SEMA3E: variants seen among roughly 807,000 people sequenced by gnomAD.
The protein encoded by SEMA3E is semaphorin-3E.
Under a neutral mutation model 93.6 loss-of-function variants are expected in SEMA3E, and 49 were observed. That is an observed-to-expected ratio of 0.52 (90% CI 0.42 to 0.66). The LOEUF (loss-of-function observed/expected upper bound fraction) is 0.66, where lower values mean the gene tolerates loss of function less well. Ranked by LOEUF, SEMA3E falls within the 30% of genes least tolerant of loss-of-function variation. The pLI, the probability that SEMA3E is intolerant of heterozygous loss-of-function variation, is 0.00. For synonymous variants in SEMA3E, 363 were observed against 330.7 expected (o/e 1.10, Z -1.06); for missense variants, 906 against 964.8 (o/e 0.94, Z 0.81).
intron 1 of SEMA3E, among the ~76,000 whole-genome samples, chr7:83,493,509 T>C (rs555860135): frequency 3.3e-5 from 5 of 152,048 alleles, no homozygotes; most frequent in African/African-American, 9.6e-5. Context: ...ATTTTATTTA[T>C]GAAGATACTT....
chr7:83,452,146 T>C (rs952838700), intron 4 of SEMA3E, among the ~76,000 whole-genome samples: 1 of 151,902 alleles, frequency 6.6e-6, no homozygotes, highest in African/African-American at 2.4e-5. Context: ...TGTGTGTGTG[T>C]GTCTGTGTGT....
At chr7:83,616,848 C>T in intron 1 of SEMA3E, 1 of 345,928 alleles carries the variant, frequency 2.9e-6, no homozygotes. Context: ...CCTCAGCCTC[C>T]TGAGTAGCTG....
chr7:83,378,093 C>A (rs1201531636), intron 16 of SEMA3E, among the ~76,000 whole-genome samples: 1 of 151,766 alleles, frequency 6.6e-6, no homozygotes, highest in East Asian at 1.9e-4. Context: ...ATGATTTATA[C>A]ACCCTTCATA....
At chr7:83,606,914 A>T (rs530833197) in intron 1 of SEMA3E, among the ~76,000 whole-genome samples, 1 of 152,196 alleles carries the variant, frequency 6.6e-6, no homozygotes, top group Non-Finnish European at 1.5e-5. Flanking sequence ...TCTGATGTTA[A>T]AGCTAAAAAT....
intron 1 of SEMA3E, among the ~76,000 whole-genome samples, chr7:83,584,246 TA>T: frequency 6.6e-6 from 1 of 152,216 alleles, no homozygotes; most frequent in Non-Finnish European, 1.5e-5. Flanking sequence ...ATTTTACAAA[TA>T]GGGGGAGTGA....
In SEMA3E at chr7:83,393,655, T is replaced by C. The variant is rs1429589618; in HGVS notation, c.1500+642A>G. Among the ~76,000 whole-genome samples, 4 of 152,154 alleles carry C rather than the reference T, an allele frequency of 2.6e-5. No homozygotes were observed. In the East Asian group the frequency reaches 7.7e-4, roughly 29 times the overall value. Reference sequence around the variant, plus strand: ...TCTATCTATCTATCTACAGAACAAGTGGCTGAACATTTAATATAATATCTT... The same window carrying C: ...TCTATCTATCTATCTACAGAACAAGCGGCTGAACATTTAATATAATATCTT... On this transcript the variant is annotated intron_variant, in intron 13 of 16. Transcript: ENST00000643230.
intron 1 of SEMA3E, among the ~76,000 whole-genome samples, chr7:83,499,749 A>T (rs1487886156): frequency 2.0e-5 from 3 of 152,144 alleles, no homozygotes; most frequent in Non-Finnish European, 4.4e-5. Flanking sequence ...CATAAACTTA[A>T]TTCTTGATTA....
intron 1 of SEMA3E, among the ~76,000 whole-genome samples, chr7:83,522,281 T>C (rs1302664892): frequency 6.6e-5 from 10 of 152,102 alleles, no homozygotes; most frequent in Admixed American, 6.6e-4. Flanking sequence ...ATTTTTTTAT[T>C]TGTGGTTATC....
At chr7:83,537,550 A>G (rs1791431825) in intron 1 of SEMA3E, among the ~76,000 whole-genome samples, 1 of 152,190 alleles carries the variant, frequency 6.6e-6, no homozygotes, top group East Asian at 1.9e-4. Flanking sequence ...TCTGGACAGC[A>G]AAGAATGAAT....
chr7:83,463,422 A>G (rs1223071495), intron 4 of SEMA3E, among the ~76,000 whole-genome samples: 4 of 152,132 alleles, frequency 2.6e-5, no homozygotes, highest in Non-Finnish European at 2.9e-5. Context: ...CTCATACCTG[A>G]CGCATATACT....
At chr7:83,390,133 A>G (rs1787984308) in intron 14 of SEMA3E, among the ~76,000 whole-genome samples, 1 of 62,114 alleles carries the variant, frequency 1.6e-5, no homozygotes, top group African/African-American at 5.8e-5. Flanking sequence ...ATACGTGTGC[A>G]CATATATGCG....
intron 1 of SEMA3E, among the ~76,000 whole-genome samples, chr7:83,593,299 TG>T (rs1792797169): frequency 5.5e-5 from 2 of 36,236 alleles, no homozygotes; most frequent in Admixed American, 3.2e-4. Context: ...TGTGTGTGTG[TG>T]TGTGTGTGTG....
chr7:83,379,026 G>GA (rs1787718354), intron 16 of SEMA3E, among the ~76,000 whole-genome samples: 1 of 151,688 alleles, frequency 6.6e-6, no homozygotes, highest in East Asian at 1.9e-4. Context: ...ATTGGATAAA[G>GA]AAAACGTGGC....
intron 1 of SEMA3E, among the ~76,000 whole-genome samples, chr7:83,602,766 G>A (rs562684767): frequency 1.4e-4 from 22 of 152,150 alleles, no homozygotes; most frequent in African/African-American, 3.4e-4. Context: ...GTGAGCCCCC[G>A]CGCCCAGCCT....
intron 1 of SEMA3E, among the ~76,000 whole-genome samples, chr7:83,580,934 A>G (rs1271132403): frequency 6.6e-6 from 1 of 151,964 alleles, no homozygotes; most frequent in Non-Finnish European, 1.5e-5. Flanking sequence ...ATGATATTAG[A>G]TCTTTATTAT....
intron 2 of SEMA3E, among the ~76,000 whole-genome samples, chr7:83,485,499 T>C (rs1370853020): frequency 6.6e-6 from 1 of 152,056 alleles, no homozygotes; most frequent in Non-Finnish European, 1.5e-5. Flanking sequence ...AAATAAGGCA[T>C]GGGTACAGGT....
intron 1 of SEMA3E, among the ~76,000 whole-genome samples, chr7:83,525,405 A>G (rs1226589966): frequency 6.6e-6 from 1 of 152,038 alleles, no homozygotes; most frequent in Non-Finnish European, 1.5e-5. Context: ...AAATACATTT[A>G]TTTAATTACT....
At chr7:83,376,657 A>G (rs10256414) in intron 16 of SEMA3E, among the ~76,000 whole-genome samples, 1 of 151,998 alleles carries the variant, frequency 6.6e-6, no homozygotes, top group African/African-American at 2.4e-5. Context: ...CAATTTTGGT[A>G]TTGAGTAAAA....
rs1259054364 is a variant in SEMA3E, at chr7:83,455,228, T to C, written c.456+11254A>G. ...ACTGAGAAAATATACTGTACCCTGT[T>C]AAAATATGGCAGCAGTCTATATTCA... On this transcript the variant is annotated intron_variant, in intron 4 of 16. Transcript: ENST00000643230. Among the ~76,000 whole-genome samples the C allele has an allele frequency of 2.6e-5, 4 of 152,214 alleles. No homozygotes were observed. The East Asian group carries it at 5.8e-4, about 22-fold the overall frequency.
Sources: gnomAD v4.1 joint callset for allele counts (sites outside exome capture counted in the v4.1 genomes callset) on GRCh38, gnomAD v4.1.1 for gene constraint, MANE v1.5 for transcripts, NCBI Gene and HGNC (gene_info 2026-07-23, HGNC 2026-07-21) for gene names.